Variants in IQCJ observed in about 807,000 individuals in gnomAD.
The protein encoded by IQCJ is IQ domain-containing protein J.
A neutral mutation model predicts 11.0 loss-of-function variants in IQCJ; 9 were observed. The ratio of observed to expected loss-of-function variants is 0.82; its 90% CI spans 0.49 to 1.43. IQCJ has a LOEUF of 1.43. Ranked by LOEUF, IQCJ falls within the 40% of genes most tolerant of loss-of-function variation. IQCJ has a pLI of 0.00. For missense variants in IQCJ, 146 were observed against 133.2 expected, an observed-to-expected ratio of 1.10 and a Z score of -0.47; for synonymous variants, 55 against 51.3, an observed-to-expected ratio of 1.07 and a Z score of -0.31.
intron 1 of IQCJ, among the ~76,000 whole-genome samples, chr3:159,107,661 G>T (rs1412476484): frequency 1.3e-5 from 2 of 152,100 alleles, no homozygotes; most frequent in Non-Finnish European, 2.9e-5. Context: ...TGCTCTAAGT[G>T]CTTTACATTT....
At chr3:159,125,689 AC>A (rs1167348158) in intron 1 of IQCJ, among the ~76,000 whole-genome samples, 2 of 152,218 alleles carry the variant, frequency 1.3e-5, no homozygotes, top group African/African-American at 4.8e-5. Context: ...CTGTCATCTG[AC>A]CAGATTCCTT....
chr3:159,245,838 C>A lies in IQCJ; in HGVS notation c.10-5C>A, dbSNP rs1214785100. The stretch of plus-strand genomic sequence containing the variant: ...TTTGTAAGATATATCTTCTCTTTTT[C>A]ACAGGAAGAACTGAAAAGATTGCAG... On this transcript the variant is annotated splice_region_variant and splice_polypyrimidine_tract_variant and intron_variant, in intron 1 of 3. Coordinates refer to ENST00000397832, the MANE Select transcript of IQCJ (RefSeq NM_001042706.3). The A allele has an allele frequency of 6.5e-7, 1 of 1,542,882 alleles. No individual in the cohort carries two copies. The highest frequency in any genetic ancestry group is 8.8e-7 in the Non-Finnish European group (1 of 1,139,596).
chr3:159,069,591 A>T, intron 1 of IQCJ, 150 bp downstream of exon 1: 1 of 1,093,700 alleles, frequency 9.1e-7, no homozygotes, highest in African/African-American at 1.6e-5. Flanking sequence ...TTATTGGTCT[A>T]GGTGCGTGTG....
intron 1 of IQCJ, among the ~76,000 whole-genome samples, chr3:159,205,460 G>C (rs1446880673): frequency 6.6e-6 from 1 of 152,152 alleles, no homozygotes; most frequent in Non-Finnish European, 1.5e-5. Context: ...TATTATGTTG[G>C]CATGATTGAT....
intron 1 of IQCJ, among the ~76,000 whole-genome samples, chr3:159,075,650 T>A (rs984786107): frequency 2.0e-5 from 3 of 152,036 alleles, no homozygotes; most frequent in Non-Finnish European, 1.5e-5. Context: ...AAAAAATGAA[T>A]AAGATACTGA....
chr3:159,202,543 T>C (rs1724411931), intron 1 of IQCJ, among the ~76,000 whole-genome samples: 1 of 152,230 alleles, frequency 6.6e-6, no homozygotes, highest in African/African-American at 2.4e-5. Flanking sequence ...GATAAGGATA[T>C]AGCGGTGGCT....
intron 1 of IQCJ, among the ~76,000 whole-genome samples, chr3:159,222,572 G>T (rs1199626456): frequency 1.3e-5 from 2 of 152,134 alleles, no homozygotes; most frequent in Non-Finnish European, 2.9e-5. Context: ...GAAGATCAAA[G>T]GTTACAAACT....
At chr3:159,155,719 C>T (rs1721480942) in intron 1 of IQCJ, among the ~76,000 whole-genome samples, 1 of 152,076 alleles carries the variant, frequency 6.6e-6, no homozygotes, top group African/African-American at 2.4e-5. Context: ...TTTCAATTAG[C>T]CTTTTTAAAG....
At chr3:159,237,353 G>C (rs1318298050) in intron 1 of IQCJ, among the ~76,000 whole-genome samples, 1 of 152,204 alleles carries the variant, frequency 6.6e-6, no homozygotes, top group Non-Finnish European at 1.5e-5. Context: ...AGCAGCCACA[G>C]TGATGGGCTT....
At position 159,124,200 on chromosome 3, in the gene IQCJ, G is replaced by T. The variant is rs146861370; in HGVS notation, c.9+54759G>T. Among the ~76,000 whole-genome samples the T allele has an allele frequency of 4.6e-5, 7 of 152,122 alleles. No homozygotes were observed. The East Asian group carries it at 1.4e-3, about 29-fold the overall frequency. On this transcript the variant is annotated intron_variant, in intron 1 of 3. Transcript: ENST00000397832. ...TCCTTCCACTTCTTCTTTCTTCCTG[G>T]TCACCTGTCTGGGGAAGGCTATCAT... is the stretch of plus-strand genomic sequence containing the variant.
At chr3:159,115,067 C>T (rs1054610575) in intron 1 of IQCJ, among the ~76,000 whole-genome samples, 1 of 152,134 alleles carries the variant, frequency 6.6e-6, no homozygotes, top group African/African-American at 2.4e-5. Context: ...TATGGTTCAC[C>T]CTATCTAGAA....
At chr3:159,218,089 C>T (rs1226875500) in intron 1 of IQCJ, among the ~76,000 whole-genome samples, 1 of 151,308 alleles carries the variant, frequency 6.6e-6, no homozygotes, top group Non-Finnish European at 1.5e-5. Flanking sequence ...AGTCACTGTC[C>T]TAAGTATAAA....
intron 1 of IQCJ, among the ~76,000 whole-genome samples, chr3:159,239,144 T>A (rs1726762150): frequency 6.6e-6 from 1 of 152,196 alleles, no homozygotes; most frequent in African/African-American, 2.4e-5. Context: ...TGCTTATCCA[T>A]CTCTGAGAAA....
intron 1 of IQCJ, among the ~76,000 whole-genome samples, chr3:159,139,467 T>C (rs1262647430): frequency 6.6e-6 from 1 of 152,220 alleles, no homozygotes; most frequent in Non-Finnish European, 1.5e-5. Flanking sequence ...TACACATATA[T>C]TTACTGTCAA....
chr3:159,139,276 A>G (rs1230458176), intron 1 of IQCJ, among the ~76,000 whole-genome samples: 2 of 152,216 alleles, frequency 1.3e-5, no homozygotes, highest in African/African-American at 4.8e-5. Context: ...AAAATTTAAA[A>G]GAAATGAATT....
intron 1 of IQCJ, among the ~76,000 whole-genome samples, chr3:159,082,444 T>C (rs1186537790): frequency 6.6e-6 from 1 of 151,848 alleles, no homozygotes; most frequent in Non-Finnish European, 1.5e-5. Flanking sequence ...GAGGATGCAA[T>C]TCTTCCTGGG....
At chr3:159,161,176 C>T (rs1721832433) in intron 1 of IQCJ, among the ~76,000 whole-genome samples, 1 of 152,212 alleles carries the variant, frequency 6.6e-6, no homozygotes. Context: ...TATTTCTCCA[C>T]ATCCTCTCCA....
intron 3 of IQCJ, among the ~76,000 whole-genome samples, chr3:159,262,307 A>T (rs1349471854): frequency 5.9e-5 from 9 of 152,216 alleles, no homozygotes; most frequent in Non-Finnish European, 1.3e-4. Context: ...TGACTCTTTT[A>T]GGCCGGTTGA....
At chr3:159,096,309 A>G (rs28879083) in intron 1 of IQCJ, among the ~76,000 whole-genome samples, 1 of 150,718 alleles carries the variant, frequency 6.6e-6, no homozygotes, top group Non-Finnish European at 1.5e-5. Flanking sequence ...CTCCCATTTT[A>G]TAGGTTGCCT....
Sources: allele counts gnomAD v4.1 joint callset (sites outside exome capture counted in the v4.1 genomes callset), GRCh38; gene constraint gnomAD v4.1.1; transcripts MANE v1.5; gene names NCBI Gene and HGNC (gene_info 2026-07-23, HGNC 2026-07-21).